Variants in SP1 observed in about 807,000 individuals in gnomAD.
SP1 encodes the protein Sp1 transcription factor, also known as transcription factor Sp1.
Under a neutral mutation model 66.3 loss-of-function variants are expected in SP1, and 6 were observed. The observed-to-expected ratio is 0.09, with a 90% confidence interval of 0.05 to 0.18. The LOEUF is 0.18. Among genes scored for constraint, SP1 ranks in the 10% least tolerant of loss-of-function variants. SP1 has a pLI of 1.00. For missense variants in SP1, 848 were observed against 964.5 expected (o/e 0.88, Z 1.60); for synonymous variants, 417 against 360.8 (o/e 1.16, Z -1.77).
intron 3 of SP1, among the ~76,000 whole-genome samples, chr12:53,388,004 C>T (rs887551741): frequency 4.6e-5 from 7 of 151,698 alleles, no homozygotes; most frequent in Admixed American, 1.3e-4. Context: ...AAAATGTATT[C>T]GAAAAGGTGT....
chr12:53,408,164 C>T (rs1194900481), intron 4 of SP1, among the ~76,000 whole-genome samples: 1 of 141,342 alleles, frequency 7.1e-6, no homozygotes, highest in Non-Finnish European at 1.5e-5. Flanking sequence ...GAGAATTGCT[C>T]GAACTTGGGA....
At position 53,380,286 on chromosome 12, in the gene SP1, G is replaced by T; in HGVS notation, c.-6G>T. 3 of 1,579,766 alleles carry T rather than the reference G, an allele frequency of 1.9e-6. No individual in the cohort carries two copies. Among genetic ancestry groups the T allele is most frequent in the Non-Finnish European group, 2.6e-6 (3 of 1,155,392 alleles). ...ACCCCCTTGAGCTTGTCCCTCAGCT[G>T]CCACCATGAGCGGTAAGGATGAGTC... On this transcript the variant is annotated 5_prime_UTR_variant, in exon 1 of 6. Transcript: ENST00000327443.
intron 1 of SP1, chr12:53,381,240 C>G (rs1305631453): frequency 1.9e-5 from 3 of 155,136 alleles, no homozygotes; most frequent in African/African-American, 7.2e-5. Flanking sequence ...GGCGTGACCA[C>G]CGCGCCTGGC....
chr12:53,410,544 G>T (rs942025400), intron 5 of SP1, among the ~76,000 whole-genome samples: 2 of 150,996 alleles, frequency 1.3e-5, no homozygotes, highest in African/African-American at 4.9e-5. Context: ...AGTCTCTGTC[G>T]CCCAGGCTGG....
At chr12:53,380,743 C>T (rs1383677446) in intron 1 of SP1, 2 of 690,082 alleles carry the variant, frequency 2.9e-6, no homozygotes, top group African/African-American at 4.0e-5. Context: ...CCTTCCCCCC[C>T]GCCCCCCACC....
At position 53,414,682 on chromosome 12, in the gene SP1, A is replaced by G. The variant is rs1938961316; in HGVS notation, c.*3442A>G. On this transcript the variant is annotated 3_prime_UTR_variant, in exon 6 of 6. Coordinates refer to ENST00000327443, the MANE Select transcript of SP1 (RefSeq NM_138473.3). ...GAACTACAGGTGTTTGACTTTCAAA[A>G]TATATTTTGTATTGTTAATATCTTC... 6.6e-6 allele frequency: 1 copy of G among 152,642 alleles called. No individual in the cohort carries two copies. The highest frequency in any genetic ancestry group is 1.5e-5 in the Non-Finnish European group (1 of 68,042). The allele number at this position is 152,642 out of a possible 1,614,324, so 9.5% of individuals were successfully genotyped here. A position where few individuals can be genotyped will look rare whatever the true frequency, so the allele number is the denominator to read the frequency against.
chr12:53,406,788 A>G (rs1208424231), intron 4 of SP1, 35 bp downstream of exon 4: 1 of 1,555,918 alleles, frequency 6.4e-7, no homozygotes, highest in African/African-American at 1.4e-5. Context: ...ACAAATATAA[A>G]GAAAAATTAA....
At chr12:53,380,940 G>GT (rs1314608778) in intron 1 of SP1, among the ~76,000 whole-genome samples, 1 of 131,446 alleles carries the variant, frequency 7.6e-6, no homozygotes, top group African/African-American at 3.0e-5. Context: ...TTGGATTTTT[G>GT]TTTGTCTTTT....
Position 53,383,228 on chromosome 12 carries a change from T to C in SP1, c.1281T>C (p.Thr427=), listed in dbSNP as rs1262995258. 1.9e-6 allele frequency: 3 copies of C among 1,614,126 alleles called. No individual in the cohort carries two copies. Among genetic ancestry groups the C allele is most frequent in the Non-Finnish European group, 2.5e-6 (3 of 1,180,022 alleles). Residue 427 remains threonine, a synonymous_variant, in exon 3 of 6, where the codon ACT becomes ACC. Transcript: ENST00000327443. Reference sequence around the variant, plus strand: ...CATTGTCAGGGCAGACCTTTACAACTCAAGCCATCTCCCAGGAAACCCTCC... The same window carrying C: ...CATTGTCAGGGCAGACCTTTACAACCCAAGCCATCTCCCAGGAAACCCTCC... ...AAPLSGQTFT[T]QAISQETLQN...
intron 4 of SP1, among the ~76,000 whole-genome samples, chr12:53,407,913 G>A (rs1308419929): frequency 2.7e-5 from 4 of 148,278 alleles, no homozygotes; most frequent in Non-Finnish European, 6.0e-5. Flanking sequence ...TGGGATTACA[G>A]GCATGAGCCA....
intron 5 of SP1, among the ~76,000 whole-genome samples, chr12:53,410,459 G>C (rs1053567280): frequency 2.0e-5 from 3 of 151,748 alleles, no homozygotes; most frequent in African/African-American, 7.3e-5. Context: ...CCTTTATCTA[G>C]TTTTCTTCCT....
Position 53,414,976 on chromosome 12 carries a change from T to C in SP1, c.*3736T>C. 6.5e-6 allele frequency: 1 copy of C among 152,686 alleles called. No homozygotes were observed. The highest frequency in any genetic ancestry group is 1.5e-5 in the Non-Finnish European group (1 of 68,038). The allele number at this position is 152,686 out of a possible 1,614,324, so 9.5% of individuals were successfully genotyped here. Reference sequence around the variant, plus strand: ...CCCTTTGCATAGCTCTCCTTCCCCCTCACTGAAGCTGGGTAGCCTATTGGG... The same window carrying C: ...CCCTTTGCATAGCTCTCCTTCCCCCCCACTGAAGCTGGGTAGCCTATTGGG... On this transcript the variant is annotated 3_prime_UTR_variant, in exon 6 of 6. Coordinates refer to ENST00000327443, the MANE Select transcript of SP1 (RefSeq NM_138473.3).
intron 3 of SP1, among the ~76,000 whole-genome samples, chr12:53,403,175 A>G (rs1431268237): frequency 1.3e-5 from 2 of 152,106 alleles, no homozygotes; most frequent in African/African-American, 4.8e-5. Context: ...GAGTTTTATT[A>G]GGCATAGTAA....
rs896203240 is a variant in SP1 at position 53,412,287 on chromosome 12, A to C, written c.*1047A>C. ...GTTTGTATAAACTGTCAAATTTTCAAATAATAGGTAGGGGGCTTTCACTAG... is the reference window on the plus strand; with the variant it reads ...GTTTGTATAAACTGTCAAATTTTCACATAATAGGTAGGGGGCTTTCACTAG... On this transcript the variant is annotated 3_prime_UTR_variant, in exon 6 of 6. Coordinates refer to ENST00000327443, the MANE Select transcript of SP1 (RefSeq NM_138473.3). The C allele has an allele frequency of 6.6e-6, 1 of 152,586 alleles. No homozygotes were observed. The highest frequency in any genetic ancestry group is 1.5e-5 in the Non-Finnish European group (1 of 68,020). 9.5% of individuals were successfully genotyped at this position (152,586 alleles called of 1,614,324 possible).
chr12:53,389,646 T>G (rs1236722020), intron 3 of SP1, among the ~76,000 whole-genome samples: 2 of 152,074 alleles, frequency 1.3e-5, no homozygotes, highest in Non-Finnish European at 1.5e-5. Flanking sequence ...CCCTCTTTTA[T>G]CAACAGCTTT....
intron 4 of SP1, 90 bp from the exon 5 acceptor site, chr12:53,409,272 T>G: frequency 9.6e-7 from 1 of 1,041,774 alleles, no homozygotes; most frequent in Non-Finnish European, 1.4e-6. Context: ...TTGGGTTAGT[T>G]TGGTGTCGAT....
At chr12:53,399,116 A>G (rs1439344352) in intron 3 of SP1, among the ~76,000 whole-genome samples, 1 of 152,220 alleles carries the variant, frequency 6.6e-6, no homozygotes, top group Non-Finnish European at 1.5e-5. Flanking sequence ...TGGTAATTCC[A>G]TAGGGTATTT....
chr12:53,380,683 T>G, intron 1 of SP1: 6 of 985,668 alleles, frequency 6.1e-6, no homozygotes, highest in Non-Finnish European at 7.2e-6. Flanking sequence ...GTCCGCCCTC[T>G]GGTCGCCGCC....
Position 53,406,752 on chromosome 12 carries a change from A to G in SP1, c.1843A>G (p.Arg615Gly). The G allele has an allele frequency of 6.2e-7, 1 of 1,612,418 alleles. No individual in the cohort carries two copies. The highest frequency in any genetic ancestry group is 8.5e-7 in the Non-Finnish European group (1 of 1,179,104). The part of the protein sequence containing the change: ...TCPYCKDSEG[R>G]GSGDPGKKKQ... ...CCCCTACTGTAAAGACAGTGAAGGA[A>G]GGTGAGTTGACCCAGCCAGTTTCTT... The change falls in exon 4 of 6, where the codon AGG (arginine) becomes GGG (glycine). Residue 615 changes from arginine to glycine, a missense_variant and splice_region_variant. Arg to Gly is a moderately radical substitution (Grantham distance 125). This residue lies in a region of SP1 where 18 missense variants were observed against 19.0 expected (regional missense o/e 0.95). Transcript: ENST00000327443.
Sources: allele counts gnomAD v4.1 joint callset (sites outside exome capture counted in the v4.1 genomes callset), GRCh38; gene constraint gnomAD v4.1.1; regional missense constraint gnomAD v4.1.1; transcripts MANE v1.5; gene names NCBI Gene and HGNC (gene_info 2026-07-23, HGNC 2026-07-21).